The following KCTD16 variants were observed in gnomAD, a reference collection of about 807,000 sequenced individuals.
KCTD16 encodes BTB/POZ domain-containing protein KCTD16.
KCTD16 carries 13 observed loss-of-function variants against 33.2 expected under a neutral mutation model. The ratio of observed to expected loss-of-function variants is 0.39; its 90% CI spans 0.25 to 0.62. The LOEUF (loss-of-function observed/expected upper bound fraction) is 0.62. KCTD16 is among the 20% of genes least tolerant of loss of function. The probability of loss-of-function intolerance (pLI) is 0.50; values close to 1 mark genes in which losing one functional copy is unlikely to be tolerated. For missense variants in KCTD16, 441 were observed against 525.1 expected, an observed-to-expected ratio of 0.84 and a Z score of 1.57; for synonymous variants, 197 against 195.3, an observed-to-expected ratio of 1.01 and a Z score of -0.07.
intron 3 of KCTD16, among the ~76,000 whole-genome samples, chr5:144,303,368 T>A (rs1187129953): frequency 6.6e-6 from 1 of 152,224 alleles, no homozygotes; most frequent in Non-Finnish European, 1.5e-5. Context: ...GCTTGTGAGA[T>A]CTCTGTAAAA....
intron 3 of KCTD16, among the ~76,000 whole-genome samples, chr5:144,449,446 A>G (rs1753892539): frequency 6.6e-6 from 1 of 152,046 alleles, no homozygotes; most frequent in African/African-American, 2.4e-5. Context: ...AACCAAAGTG[A>G]TCTTGTGAAA....
At chr5:144,339,992 G>A (rs983479678) in intron 3 of KCTD16, among the ~76,000 whole-genome samples, 21 of 152,010 alleles carry the variant, frequency 1.4e-4, no homozygotes, top group Non-Finnish European at 2.9e-4. Context: ...GGACAAGAAG[G>A]GCAACCTCAA....
intron 2 of KCTD16, among the ~76,000 whole-genome samples, chr5:144,199,773 G>T (rs1753007344): frequency 7.5e-6 from 1 of 132,544 alleles, no homozygotes; most frequent in Non-Finnish European, 1.5e-5. Flanking sequence ...CTGGAGTGCA[G>T]TGGCAAAATC....
intron 3 of KCTD16, among the ~76,000 whole-genome samples, chr5:144,359,282 A>G (rs1751648551): frequency 1.3e-5 from 2 of 152,202 alleles, no homozygotes; most frequent in Non-Finnish European, 1.5e-5. Context: ...TGTTTTCTGT[A>G]GAATCATTTC....
At chr5:144,265,614 T>C (rs1024339239) in intron 3 of KCTD16, among the ~76,000 whole-genome samples, 1 of 152,254 alleles carries the variant, frequency 6.6e-6, no homozygotes, top group African/African-American at 2.4e-5. Context: ...GGCTGTATCT[T>C]CTATGCCCAA....
intron 3 of KCTD16, among the ~76,000 whole-genome samples, chr5:144,244,204 A>G (rs904675695): frequency 6.6e-6 from 1 of 152,102 alleles, no homozygotes; most frequent in Non-Finnish European, 1.5e-5. Flanking sequence ...ACATCTTGGC[A>G]ATTTATTTTG....
At chr5:144,407,085 A>G (rs913220002) in intron 3 of KCTD16, among the ~76,000 whole-genome samples, 1 of 152,154 alleles carries the variant, frequency 6.6e-6, no homozygotes, top group African/African-American at 2.4e-5. Flanking sequence ...AGTAGGCATT[A>G]CATGGTAAAG....
chr5:144,460,434 T>G (rs1269309327), intron 3 of KCTD16, among the ~76,000 whole-genome samples: 2 of 152,118 alleles, frequency 1.3e-5, no homozygotes, highest in Non-Finnish European at 2.9e-5. Context: ...CCCTCATCAC[T>G]ACTTGACATT....
intron 3 of KCTD16, among the ~76,000 whole-genome samples, chr5:144,310,219 A>G (rs1235801316): frequency 1.3e-5 from 2 of 152,188 alleles, no homozygotes; most frequent in African/African-American, 4.8e-5. Context: ...TGTTGCTACA[A>G]ATGACAGGAT....
chr5:144,289,665 C>T (rs1296844238), intron 3 of KCTD16, among the ~76,000 whole-genome samples: 1 of 152,100 alleles, frequency 6.6e-6, no homozygotes, highest in Admixed American at 6.6e-5. Context: ...TGCTCTATTT[C>T]TTTCCTTTTT....
chr5:144,367,813 C>T (rs1751873024), intron 3 of KCTD16, among the ~76,000 whole-genome samples: 1 of 148,716 alleles, frequency 6.7e-6, no homozygotes, highest in African/African-American at 2.5e-5. Context: ...CTCCTTCTCT[C>T]CCTCATCTAG....
At chr5:144,349,138 A>T (rs1321912001) in intron 3 of KCTD16, among the ~76,000 whole-genome samples, 2 of 152,188 alleles carry the variant, frequency 1.3e-5, no homozygotes, top group African/African-American at 4.8e-5. Flanking sequence ...ATAAAACAAA[A>T]TGTTTTATAC....
In KCTD16 at chr5:144,479,122, A is replaced by G. The variant is rs759256163; in HGVS notation, c.*5008A>G. 2 of 151,964 alleles carry G rather than the reference A, an allele frequency of 1.3e-5. No homozygotes were observed. Among genetic ancestry groups the G allele is most frequent in the Non-Finnish European group, 2.9e-5 (2 of 67,914 alleles). The allele number at this position is 151,964 out of a possible 1,614,324, so 9.4% of individuals were successfully genotyped here. On this transcript the variant is annotated 3_prime_UTR_variant, in exon 4 of 4. Coordinates refer to ENST00000512467, the MANE Select transcript of KCTD16 (RefSeq NM_020768.4). ...AGTGGGAGGAAATTGAAAGTGATCC[A>G]TAATTTAATGGTGTATATGGCCCCA...
At chr5:144,254,745 A>G (rs534231706) in intron 3 of KCTD16, among the ~76,000 whole-genome samples, 3 of 152,114 alleles carry the variant, frequency 2.0e-5, no homozygotes, top group African/African-American at 4.8e-5. Context: ...TACATACCTC[A>G]TATAAGTGGA....
chr5:144,247,971 G>T (rs1337956582), intron 3 of KCTD16, among the ~76,000 whole-genome samples: 1 of 152,154 alleles, frequency 6.6e-6, no homozygotes, highest in African/African-American at 2.4e-5. Context: ...TTAGGAGGAG[G>T]CATGTGATTT....
intron 3 of KCTD16, among the ~76,000 whole-genome samples, chr5:144,350,550 G>C (rs1483316961): frequency 6.6e-6 from 1 of 152,222 alleles, no homozygotes; most frequent in East Asian, 1.9e-4. Flanking sequence ...TCTCTTGGCT[G>C]CAGTAATTCT....
chr5:144,445,104 T>C (rs762231946), intron 3 of KCTD16, among the ~76,000 whole-genome samples: 4 of 151,802 alleles, frequency 2.6e-5, no homozygotes, highest in South Asian at 2.1e-4. Context: ...TGTGAAAATA[T>C]ATGAAATTTT....
intron 2 of KCTD16, among the ~76,000 whole-genome samples, chr5:144,187,093 A>C (rs1752742695): frequency 6.6e-6 from 1 of 152,228 alleles, no homozygotes; most frequent in Non-Finnish European, 1.5e-5. Context: ...ATAAACATAA[A>C]AAATAGTTCA....
intron 3 of KCTD16, chr5:144,439,309 C>T: frequency 2.1e-6 from 1 of 476,454 alleles, no homozygotes; most frequent in Non-Finnish European, 4.1e-6. Context: ...GTCCCTAAAA[C>T]CCACTTGAAT....
Sources: gnomAD v4.1 joint callset for allele counts (sites outside exome capture counted in the v4.1 genomes callset) on GRCh38, gnomAD v4.1.1 for gene constraint, MANE v1.5 for transcripts, NCBI Gene and HGNC (gene_info 2026-07-23, HGNC 2026-07-21) for gene names.